Variants in STX18 observed in about 807,000 individuals in gnomAD.
STX18 encodes the protein syntaxin 18.
In STX18, 40 loss-of-function variants were observed where a neutral mutation model predicts 50.1. The ratio of observed to expected loss-of-function variants is 0.80; its 90% CI spans 0.62 to 1.04. The LOEUF (loss-of-function observed/expected upper bound fraction) is 1.04, where lower values mean the gene tolerates loss of function less well. STX18 is among the 50% of genes least tolerant of loss of function. The pLI, the probability that STX18 is intolerant of heterozygous loss-of-function variation, is 0.00. For missense variants in STX18, 410 were observed against 415.8 expected, an observed-to-expected ratio of 0.99 and a Z score of 0.12; for synonymous variants, 158 against 151.8, an observed-to-expected ratio of 1.04 and a Z score of -0.30.
At chr4:4,421,869 C>T (rs1027028530) in intron 9 of STX18, among the ~76,000 whole-genome samples, 4 of 152,152 alleles carry the variant, frequency 2.6e-5, no homozygotes, top group Non-Finnish European at 5.9e-5. Context: ...TTACTCCAAA[C>T]GAAGCCTTGA....
chr4:4,505,524 A>C (rs976711323), intron 1 of STX18, among the ~76,000 whole-genome samples: 18 of 152,294 alleles, frequency 1.2e-4, no homozygotes, highest in African/African-American at 4.3e-4. Flanking sequence ...TCACGCCTGC[A>C]ATCCCAGCAC....
intron 5 of STX18, among the ~76,000 whole-genome samples, chr4:4,442,888 T>A (rs1193163835): frequency 6.7e-6 from 1 of 149,808 alleles, no homozygotes; most frequent in African/African-American, 2.5e-5. Flanking sequence ...GGCAAGAAAG[T>A]TCACACAAAT....
intron 9 of STX18, 65 bp downstream of exon 9, chr4:4,423,453 T>G: frequency 6.6e-7 from 1 of 1,514,568 alleles, no homozygotes; most frequent in Non-Finnish European, 9.1e-7. Context: ...GAAAAATGTC[T>G]CGTGCTCTCA....
intron 9 of STX18, among the ~76,000 whole-genome samples, chr4:4,422,776 AATG>A (rs2108769413): frequency 6.6e-6 from 1 of 152,278 alleles, no homozygotes; most frequent in East Asian, 1.9e-4. Context: ...CCTCATTTAC[AATG>A]ATTTCACTCT....
intron 2 of STX18, 54 bp from the exon 3 acceptor site, chr4:4,459,541 C>G: frequency 7.6e-7 from 1 of 1,315,286 alleles, no homozygotes; most frequent in Non-Finnish European, 1.1e-6. Flanking sequence ...ATAATATAGT[C>G]TGAGTGGGAT....
chr4:4,533,410 T>C (rs1731190250), intron 1 of STX18, among the ~76,000 whole-genome samples: 1 of 152,160 alleles, frequency 6.6e-6, no homozygotes, highest in African/African-American at 2.4e-5. Context: ...ATACAATCAA[T>C]ATTATAAAAT....
chr4:4,433,648 G>T (rs1210274171), intron 7 of STX18, among the ~76,000 whole-genome samples: 1 of 152,146 alleles, frequency 6.6e-6, no homozygotes, highest in Non-Finnish European at 1.5e-5. Context: ...ATCAAGTAGG[G>T]TCATGGGACA....
intron 1 of STX18, among the ~76,000 whole-genome samples, chr4:4,498,210 T>G (rs1729272366): frequency 6.6e-6 from 1 of 152,196 alleles, no homozygotes; most frequent in Non-Finnish European, 1.5e-5. Flanking sequence ...TTCCCTAAAG[T>G]TGAGGGCTTT....
At chr4:4,540,218 T>C (rs1295126990) in intron 1 of STX18, among the ~76,000 whole-genome samples, 1 of 152,226 alleles carries the variant, frequency 6.6e-6, no homozygotes, top group Non-Finnish European at 1.5e-5. Flanking sequence ...AATGAAATCA[T>C]ATAGCTAATA....
Position 4,457,192 on chromosome 4 carries a change from A to G in STX18, c.496T>C (p.Leu166=). ...AACACCAATGAAAGCAATACTTACA[A>G]TCTTTTCTTATCCACCACTCTTTTA... ...RVKRVVDKKR[L]SKLEPEPNTK... is the part of the protein sequence containing the mutation. Residue 166 remains leucine (L), a splice_region_variant and synonymous_variant, in exon 5 of 11, where the codon TTA becomes CTA. Transcript: ENST00000306200. The G allele has an allele frequency of 6.2e-7, 1 of 1,613,368 alleles. No homozygotes were observed.
intron 2 of STX18, among the ~76,000 whole-genome samples, chr4:4,463,278 G>A (rs1310010541): frequency 6.6e-6 from 1 of 152,210 alleles, no homozygotes; most frequent in East Asian, 1.9e-4. Context: ...GTAAACAAAT[G>A]AACGTGGCTG....
intron 1 of STX18, among the ~76,000 whole-genome samples, chr4:4,496,692 TA>T (rs1272143794): frequency 6.6e-6 from 1 of 152,132 alleles, no homozygotes; most frequent in Admixed American, 6.5e-5. Context: ...CAACTGTGGG[TA>T]GAAAGGTTGA....
At chr4:4,439,079 TATACC>T (rs887812292) in intron 5 of STX18, among the ~76,000 whole-genome samples, 2 of 148,436 alleles carry the variant, frequency 1.3e-5, no homozygotes, top group African/African-American at 5.0e-5. Flanking sequence ...CACACACATA[TATACC>T]ACCACACATA....
intron 2 of STX18, among the ~76,000 whole-genome samples, chr4:4,471,200 G>C (rs571586752): frequency 6.6e-6 from 1 of 152,282 alleles, no homozygotes; most frequent in South Asian, 2.1e-4. Context: ...GTGAGGGTAA[G>C]GACTGAAATG....
At chr4:4,459,062 G>GCACTCACACACACACA (rs1553837175) in intron 3 of STX18, among the ~76,000 whole-genome samples, 1 of 144,282 alleles carries the variant, frequency 6.9e-6, no homozygotes, top group Non-Finnish European at 1.5e-5. Flanking sequence ...ACACACACAC[G>GCACTCACACACACACA]CACACACACA....
intron 1 of STX18, among the ~76,000 whole-genome samples, chr4:4,477,603 G>A (rs1221668266): frequency 1.3e-5 from 2 of 152,226 alleles, no homozygotes; most frequent in African/African-American, 4.8e-5. Flanking sequence ...GAGTCAGAGA[G>A]AGGATAAGGA....
chr4:4,514,795 G>A (rs905916508), intron 1 of STX18, among the ~76,000 whole-genome samples: 2 of 151,974 alleles, frequency 1.3e-5, no homozygotes, highest in Non-Finnish European at 2.9e-5. Context: ...AAAAAGACTA[G>A]AGAATTCTTT....
chr4:4,472,736 C>T (rs1467316236), intron 1 of STX18, among the ~76,000 whole-genome samples: 2 of 152,222 alleles, frequency 1.3e-5, no homozygotes, highest in Non-Finnish European at 2.9e-5. Flanking sequence ...TCTTTCCCTA[C>T]AGTTGTAAGC....
At chr4:4,495,533 C>A (rs896778024) in intron 1 of STX18, among the ~76,000 whole-genome samples, 8 of 150,946 alleles carry the variant, frequency 5.3e-5, no homozygotes, top group African/African-American at 1.9e-4. Context: ...GGACTACAGG[C>A]ACGCGTGTCT....
Sources: gnomAD v4.1 joint callset for allele counts (sites outside exome capture counted in the v4.1 genomes callset) on GRCh38, gnomAD v4.1.1 for gene constraint, MANE v1.5 for transcripts, NCBI Gene and HGNC (gene_info 2026-07-23, HGNC 2026-07-21) for gene names.